The following NMUR2 variants were observed in gnomAD, a reference collection of about 807,000 sequenced individuals.
The protein encoded by NMUR2 is neuromedin-U receptor 2.
NMUR2 carries 24 observed loss-of-function variants against 25.1 expected under a neutral mutation model. That is an observed-to-expected ratio of 0.96 (90% CI 0.69 to 1.34). NMUR2 has a LOEUF of 1.34. Ranked by LOEUF, NMUR2 falls within the 40% of genes most tolerant of loss-of-function variation. The pLI is 0.00. For missense variants in NMUR2, 533 were observed against 512.8 expected, an observed-to-expected ratio of 1.04 and a Z score of -0.38; for synonymous variants, 218 against 208.1, an observed-to-expected ratio of 1.05 and a Z score of -0.41.
chr5:152,396,271 A>T (rs1231430256), intron 2 of NMUR2, among the ~76,000 whole-genome samples: 1 of 151,820 alleles, frequency 6.6e-6, no homozygotes, highest in Non-Finnish European at 1.5e-5. Context: ...CTTTGCTATG[A>T]CATGACTCTT....
At chr5:152,402,747 C>T (rs982597524) in intron 1 of NMUR2, among the ~76,000 whole-genome samples, 1 of 152,022 alleles carries the variant, frequency 6.6e-6, no homozygotes, top group African/African-American at 2.4e-5. Flanking sequence ...AAGTCTTTTC[C>T]CCGCAGTGAG....
chr5:152,404,963 C>T lies in NMUR2; in HGVS notation c.151G>A (p.Val51Met). 6.2e-7 allele frequency: 1 copy of T among 1,613,996 alleles called. No individual in the cohort carries two copies. Among genetic ancestry groups the T allele is most frequent in the Non-Finnish European group, 8.5e-7 (1 of 1,179,984 alleles). Residue 51 changes from valine to methionine, a missense_variant, in exon 1 of 4, where the codon GTG (valine) becomes ATG (methionine). Coordinates refer to ENST00000255262, the MANE Select transcript of NMUR2 (RefSeq NM_020167.5). ...RSHFFLPVSV[V>M]YVPIFVVGVI... ...CCCACCACAAAAATTGGCACATACA[C>T]CACAGACACGGGGAGGAAGAAGTGG...
intron 1 of NMUR2, among the ~76,000 whole-genome samples, chr5:152,402,828 G>T (rs1417728529): frequency 2.0e-5 from 3 of 152,270 alleles, no homozygotes; most frequent in South Asian, 2.1e-4. Flanking sequence ...GAATACAGGT[G>T]CTAGCCCTCC....
rs748746065 is a variant in NMUR2, at chr5:152,398,061, C to T, written c.810G>A (p.Leu270=). The change falls in exon 2 of 4, where the codon CTG becomes CTA. Residue 270 remains leucine (L), a splice_region_variant and synonymous_variant. Coordinates refer to ENST00000255262, the MANE Select transcript of NMUR2 (RefSeq NM_020167.5). ...RPCRKSVNKM[L]FVLVLVFAIC... ...CAAAAAACAAAATGGGGCACTTACA[C>T]AGCATCTTGTTGACTGATTTTCTGC... The T allele has an allele frequency of 1.1e-5, 18 of 1,611,088 alleles. No homozygotes were observed. The South Asian group carries it at 1.9e-4, about 17-fold the overall frequency.
At chr5:152,398,775 A>G (rs1479211484) in intron 1 of NMUR2, among the ~76,000 whole-genome samples, 2 of 152,176 alleles carry the variant, frequency 1.3e-5, no homozygotes, top group African/African-American at 2.4e-5. Context: ...AACCCTTTTC[A>G]GTGGATTACC....
Position 152,405,144 on chromosome 5 carries a change from C to A in NMUR2, c.-31G>T. 2 of 1,514,324 alleles carry A rather than the reference C, an allele frequency of 1.3e-6. No homozygotes were observed. Among genetic ancestry groups the A allele is most frequent in the Non-Finnish European group, 1.8e-6 (2 of 1,128,648 alleles). 93.8% of individuals were successfully genotyped at this position (1,514,324 alleles called of 1,614,324 possible). ...TCCAAGGCCTGAGCCTCCCCTGGTA[C>A]GAGGCTCTGTTTCAAGCTGAGCCAG... is the stretch of plus-strand genomic sequence containing the variant. On this transcript the variant is annotated 5_prime_UTR_variant, in exon 1 of 4. Coordinates refer to ENST00000255262, the MANE Select transcript of NMUR2 (RefSeq NM_020167.5).
chr5:152,397,309 C>T lies in NMUR2; in HGVS notation c.811+751G>A, dbSNP rs76438597. On this transcript the variant is annotated intron_variant, in intron 2 of 3. Transcript: ENST00000255262. The stretch of plus-strand genomic sequence containing the variant: ...AATGTATTATAAATCTCCTTTCCCT[C>T]ATCAGTAACTCCTCTCATATAGTAG... Among the ~76,000 whole-genome samples, 611 of 152,256 alleles carry T rather than the reference C, an allele frequency of 4.0e-3. 5 individuals are homozygous for T. Among genetic ancestry groups the T allele is most frequent in the African/African-American group, 0.014 (585 of 41,556 alleles).
intron 3 of NMUR2, among the ~76,000 whole-genome samples, chr5:152,395,102 C>T (rs1041022481): frequency 9.9e-5 from 15 of 152,044 alleles, no homozygotes; most frequent in African/African-American, 3.6e-4. Flanking sequence ...TAATACTTCC[C>T]AAAGGCAATA....
chr5:152,392,276 A>G lies in NMUR2; in HGVS notation c.1163T>C (p.Met388Thr). Residue 388 changes from methionine (M) to threonine (T), a missense_variant, in exon 4 of 4, where the codon ATG (methionine) becomes ACG (threonine). Transcript: ENST00000255262. ...IGPQFPCQSS[M>T]HNSHLPAALS... ...GGCTGCTGGGAGGTGAGAGTTGTGC[A>G]TGGATGACTGACATGGGAATTGGGG... The G allele has an allele frequency of 6.2e-7, 1 of 1,613,992 alleles. No individual in the cohort carries two copies. Among genetic ancestry groups the G allele is most frequent in the Non-Finnish European group, 8.5e-7 (1 of 1,179,912 alleles).
At chr5:152,392,682 A>C (rs1561695867) in intron 3 of NMUR2, among the ~76,000 whole-genome samples, 181 bp from the exon 4 acceptor site, 1 of 152,318 alleles carries the variant, frequency 6.6e-6, no homozygotes, top group East Asian at 1.9e-4. Flanking sequence ...CCACCTGTGC[A>C]CTTAGCCATC....
At chr5:152,397,939 C>T in intron 2 of NMUR2, 121 bp downstream of exon 2, 1 of 657,112 alleles carries the variant, frequency 1.5e-6, no homozygotes, top group East Asian at 2.7e-5. Flanking sequence ...TTAATCTACT[C>T]TCATAAATAC....
intron 1 of NMUR2, among the ~76,000 whole-genome samples, chr5:152,403,156 TA>T (rs893974188): frequency 6.6e-6 from 1 of 152,204 alleles, no homozygotes; most frequent in African/African-American, 2.4e-5. Flanking sequence ...TTTCTTTTTT[TA>T]AAGGAATAAT....
rs573545454 is a variant in NMUR2 at position 152,402,498 on chromosome 5, G to GTGGTT, written c.726+1885_726+1889dup. ...CATTACATACACAAAGCAAACCAGGGTGGTTTTTAAACTTTTGTCTGAGCT... is the reference window on the plus strand; with the variant it reads ...CATTACATACACAAAGCAAACCAGGGTGGTTTGGTTTTTAAACTTTTGTCTGAGCT... On this transcript the variant is annotated intron_variant, in intron 1 of 3. Coordinates refer to ENST00000255262, the MANE Select transcript of NMUR2 (RefSeq NM_020167.5). Among the ~76,000 whole-genome samples the GTGGTT allele has an allele frequency of 2.0e-5, 3 of 152,214 alleles. No homozygotes were observed. The South Asian group carries it at 6.2e-4, about 32-fold the overall frequency.
rs1385675246 is a variant in NMUR2, at chr5:152,405,026, C to T, written c.88G>A (p.Glu30Lys). The part of the protein sequence containing the change: ...DPFQKHLNST[E>K]EYLAFLCGPR... ...CCGCAGAGGAAGGCCAGATACTCCT[C>T]GGTGCTGTTCAGGTGTTTCTGGAAT... Residue 30 changes from glutamate to lysine, a missense_variant, in exon 1 of 4, where the codon GAG (glutamate) becomes AAG (lysine). Physicochemically the swap from Glu to Lys is moderately conservative, Grantham distance 56 (BLOSUM62 1). Coordinates refer to ENST00000255262, the MANE Select transcript of NMUR2 (RefSeq NM_020167.5). 5.6e-6 allele frequency: 9 copies of T among 1,613,878 alleles called. No homozygotes were observed. Among genetic ancestry groups the T allele is most frequent in the Admixed American group, 1.7e-5 (1 of 59,992 alleles).
At chr5:152,394,319 A>G (rs1043663752) in intron 3 of NMUR2, among the ~76,000 whole-genome samples, 1 of 152,244 alleles carries the variant, frequency 6.6e-6, no homozygotes, top group Non-Finnish European at 1.5e-5. Context: ...AGGCCTGCTG[A>G]GTACAAAAAA....
At chr5:152,399,837 T>G (rs1753224208) in intron 1 of NMUR2, among the ~76,000 whole-genome samples, 1 of 152,122 alleles carries the variant, frequency 6.6e-6, no homozygotes, top group African/African-American at 2.4e-5. Flanking sequence ...GAACGAAAAT[T>G]TAACTTATTT....
rs150236745 is a variant in NMUR2 at position 152,395,471 on chromosome 5, G to A, written c.925C>T (p.His309Tyr). 6 of 1,613,360 alleles carry A rather than the reference G, an allele frequency of 3.7e-6. No homozygotes were observed. The African/African-American group carries it at 8.0e-5, about 22-fold the overall frequency. ...ESLAAVFNLV[H>Y]VVSGVFFYLS... ...GCTAAGGTTTTACCTGACACCACATGGACGAGGTTGAACACAGCAGCCAGG... is the reference window on the plus strand; with the variant it reads ...GCTAAGGTTTTACCTGACACCACATAGACGAGGTTGAACACAGCAGCCAGG... The change falls in exon 3 of 4, where the codon CAT becomes TAT. Residue 309 changes from histidine (H) to tyrosine (Y), a missense_variant. His to Tyr is a moderately conservative substitution (Grantham distance 83). Coordinates refer to ENST00000255262, the MANE Select transcript of NMUR2 (RefSeq NM_020167.5).
intron 1 of NMUR2, 113 bp downstream of exon 1, chr5:152,404,275 C>T: frequency 3.9e-6 from 5 of 1,277,996 alleles, no homozygotes; most frequent in Non-Finnish European, 5.4e-6. Context: ...ATTCTATTTT[C>T]CCTCTGTTCC....
intron 3 of NMUR2, among the ~76,000 whole-genome samples, chr5:152,392,931 C>A (rs1324901074): frequency 3.9e-5 from 6 of 152,138 alleles, no homozygotes; most frequent in African/African-American, 1.4e-4. Flanking sequence ...AGGCTTAGTT[C>A]CTGCTGAGAC....
Sources: allele counts gnomAD v4.1 joint callset (sites outside exome capture counted in the v4.1 genomes callset), GRCh38; gene constraint gnomAD v4.1.1; transcripts MANE v1.5; gene names NCBI Gene and HGNC (gene_info 2026-07-23, HGNC 2026-07-21).